CEP85L: variants seen among roughly 807,000 people sequenced by gnomAD.
CEP85L encodes the protein centrosomal protein 85L, also known as centrosomal protein of 85 kDa-like.
In CEP85L, 60 loss-of-function variants were observed where a neutral mutation model predicts 100.3. The observed-to-expected ratio is 0.60, with a 90% confidence interval of 0.49 to 0.74. CEP85L has a LOEUF of 0.74. Ranked by LOEUF, CEP85L falls within the 30% of genes least tolerant of loss-of-function variation. CEP85L has a pLI of 0.00. For missense variants in CEP85L, 973 were observed against 936.2 expected (o/e 1.04, Z -0.51); for synonymous variants, 319 against 322.7 (o/e 0.99, Z 0.12).
chr6:118,692,158 C>A (rs893909052), intron 1 of CEP85L, among the ~76,000 whole-genome samples: 2 of 152,056 alleles, frequency 1.3e-5, no homozygotes, highest in Non-Finnish European at 2.9e-5. Flanking sequence ...TATGTACTTG[C>A]AGAAACAGAC....
intron 1 of CEP85L, among the ~76,000 whole-genome samples, chr6:118,672,400 GA>G (rs1373017348): frequency 6.6e-6 from 1 of 151,948 alleles, no homozygotes; most frequent in African/African-American, 2.4e-5. Flanking sequence ...GTTGAATATT[GA>G]CTATGTACTC....
intron 4 of CEP85L, among the ~76,000 whole-genome samples, chr6:118,518,944 T>G (rs1419099838): frequency 6.6e-6 from 1 of 152,216 alleles, no homozygotes; most frequent in African/African-American, 2.4e-5. Context: ...TTGTTCTCAT[T>G]GGTTTCAAAG....
At chr6:118,537,723 G>C in intron 3 of CEP85L, 1 of 985,260 alleles carries the variant, frequency 1.0e-6, no homozygotes, top group Non-Finnish European at 1.2e-6. Flanking sequence ...CTTTGGCCTG[G>C]ACAAATACTG....
At chr6:118,599,556 C>G (rs574122824) in intron 2 of CEP85L, among the ~76,000 whole-genome samples, 1 of 152,030 alleles carries the variant, frequency 6.6e-6, no homozygotes. Context: ...CCTCTAACTC[C>G]TATTTTCAGT....
chr6:118,533,316 G>C (rs538258055), intron 3 of CEP85L, among the ~76,000 whole-genome samples: 1 of 152,050 alleles, frequency 6.6e-6, no homozygotes, highest in Non-Finnish European at 1.5e-5. Flanking sequence ...ACATTAAAAA[G>C]ATAAGGTAAT....
intron 1 of CEP85L, among the ~76,000 whole-genome samples, chr6:118,693,755 G>T (rs1003177449): frequency 1.3e-5 from 2 of 152,154 alleles, no homozygotes; most frequent in Admixed American, 6.5e-5. Flanking sequence ...GGCCCAATTG[G>T]CATTATGTGT....
chr6:118,618,563 G>A (rs1451123634), intron 2 of CEP85L, among the ~76,000 whole-genome samples: 1 of 152,162 alleles, frequency 6.6e-6, no homozygotes, highest in Non-Finnish European at 1.5e-5. Context: ...TGGTGTATGG[G>A]TACGGCCCTT....
intron 2 of CEP85L, among the ~76,000 whole-genome samples, chr6:118,569,913 C>T (rs143237194): frequency 3.3e-5 from 5 of 152,160 alleles, no homozygotes; most frequent in Admixed American, 1.3e-4. Flanking sequence ...AAGATACATT[C>T]TCTATCATAT....
chr6:118,695,175 T>C (rs1186211643), intron 1 of CEP85L, among the ~76,000 whole-genome samples: 1 of 152,218 alleles, frequency 6.6e-6, no homozygotes, highest in Non-Finnish European at 1.5e-5. Context: ...ATAAGCATGG[T>C]CAAATGGCAA....
intron 1 of CEP85L, among the ~76,000 whole-genome samples, chr6:118,690,833 C>G (rs1040009596): frequency 6.6e-6 from 1 of 151,104 alleles, no homozygotes; most frequent in Non-Finnish European, 1.5e-5. Context: ...ACCTCATATC[C>G]AAAAATAATA....
At chr6:118,549,460 T>C (rs1434454794) in intron 3 of CEP85L, among the ~76,000 whole-genome samples, 1 of 151,852 alleles carries the variant, frequency 6.6e-6, no homozygotes, top group East Asian at 1.9e-4. Flanking sequence ...TTTATTTATT[T>C]TGATTTTCAT....
intron 5 of CEP85L, among the ~76,000 whole-genome samples, chr6:118,505,658 A>G (rs73524154): frequency 0.013 from 1,945 of 152,274 alleles, 51 homozygotes; most frequent in African/African-American, 0.044. Flanking sequence ...AGTATGTACT[A>G]TATGATTCCA....
intron 4 of CEP85L, among the ~76,000 whole-genome samples, chr6:118,513,778 A>G (rs535186969): frequency 6.6e-6 from 1 of 152,296 alleles, no homozygotes; most frequent in South Asian, 2.1e-4. Flanking sequence ...ACCTTGAGGT[A>G]AAAGAACAAT....
intron 1 of CEP85L, among the ~76,000 whole-genome samples, chr6:118,666,172 A>T (rs1776128259): frequency 3.9e-5 from 6 of 152,172 alleles, no homozygotes; most frequent in Admixed American, 3.9e-4. Context: ...TGGTGCTTTC[A>T]TCTCAAACTC....
At chr6:118,662,602 T>C (rs904876950) in intron 1 of CEP85L, among the ~76,000 whole-genome samples, 1 of 151,572 alleles carries the variant, frequency 6.6e-6, no homozygotes, top group Non-Finnish European at 1.5e-5. Flanking sequence ...AAATGAGTCA[T>C]AGAGAGGTGC....
Position 118,565,544 on chromosome 6 carries a change from A to C in CEP85L, c.1005T>G (p.Ser335Arg). Reference sequence around the variant, plus strand: ...TGCACCTTACCTGCATTGGTGTTTCACTTCCTTGTCGAAAGTCTTCAATTT... The same window carrying C: ...TGCACCTTACCTGCATTGGTGTTTCCCTTCCTTGTCGAAAGTCTTCAATTT... ...QQQIEDFRQGSETPMQVLTGS... is the reference protein window; with the variant it reads ...QQQIEDFRQGRETPMQVLTGS... The change falls in exon 3 of 13, where the codon AGT (serine) becomes AGG (arginine). Residue 335 changes from serine (S) to arginine (R), a missense_variant. Ser to Arg is a moderately radical substitution (Grantham distance 110). Around this residue, in one of 3 missense-constraint regions of CEP85L, gnomAD observed 890 missense variants for 844.5 expected, o/e 1.05. Coordinates refer to ENST00000368491, the MANE Select transcript of CEP85L (RefSeq NM_001042475.3). 3 of 1,614,130 alleles carry C rather than the reference A, an allele frequency of 1.9e-6. No individual in the cohort carries two copies. Among genetic ancestry groups the C allele is most frequent in the Non-Finnish European group, 2.5e-6 (3 of 1,179,988 alleles).
At chr6:118,677,245 C>T (rs1466592921) in intron 1 of CEP85L, among the ~76,000 whole-genome samples, 1 of 152,042 alleles carries the variant, frequency 6.6e-6, no homozygotes, top group African/African-American at 2.4e-5. Context: ...AGATATGAGC[C>T]AGGAGACAGA....
intron 3 of CEP85L, among the ~76,000 whole-genome samples, chr6:118,536,065 A>G (rs1777571408): frequency 6.6e-6 from 1 of 152,198 alleles, no homozygotes; most frequent in African/African-American, 2.4e-5. Flanking sequence ...AGTAGAAGCA[A>G]AAAGAACTTA....
chr6:118,593,700 G>C (rs1320456772), intron 2 of CEP85L, among the ~76,000 whole-genome samples: 1 of 147,720 alleles, frequency 6.8e-6, no homozygotes, highest in Non-Finnish European at 1.5e-5. Context: ...AAAAAAAAAA[G>C]TATGGTCTTG....
Sources: gnomAD v4.1 joint callset for allele counts (sites outside exome capture counted in the v4.1 genomes callset) on GRCh38, gnomAD v4.1.1 for gene constraint, gnomAD v4.1.1 regional missense constraint, MANE v1.5 for transcripts, NCBI Gene and HGNC (gene_info 2026-07-23, HGNC 2026-07-21) for gene names.